The following MAGI1 variants were observed in gnomAD, a reference collection of about 807,000 sequenced individuals.
MAGI1 encodes membrane-associated guanylate kinase, WW and PDZ domain-containing protein 1.
A neutral mutation model predicts 139.9 loss-of-function variants in MAGI1; 58 were observed. The ratio of observed to expected loss-of-function variants is 0.41; its 90% CI spans 0.34 to 0.52. The LOEUF is 0.52. Among genes scored for constraint, MAGI1 ranks in the 20% least tolerant of loss-of-function variants. The pLI is 0.12. For synonymous variants in MAGI1, 812 were observed against 737.9 expected (o/e 1.10, Z -1.63); for missense variants, 1,874 against 1,901.6 (o/e 0.99, Z 0.27).
chr3:65,433,534 ACC>A (rs1246212951), intron 10 of MAGI1, among the ~76,000 whole-genome samples: 2 of 152,030 alleles, frequency 1.3e-5, no homozygotes, highest in African/African-American at 4.8e-5. Flanking sequence ...AACGCTTTTC[ACC>A]CCATAAGCAG....
rs1290707475 is a variant in MAGI1, at chr3:65,470,403, A to C, written c.839T>G (p.Ile280Ser). The C allele has an allele frequency of 6.2e-7, 1 of 1,613,710 alleles. No homozygotes were observed. Residue 280 changes from isoleucine to serine, a missense_variant, in exon 5 of 23, where the codon ATC becomes AGC. Transcript: ENST00000402939. ...PVNSSIIAAP[I>S]TDPSQKFPQY... is the part of the protein sequence containing the mutation. ...AGGGAACTTCTGAGAAGGGTCCGTGATGGGAGCAGCGATGATGCTACTATT... is the reference window on the plus strand; with the variant it reads ...AGGGAACTTCTGAGAAGGGTCCGTGCTGGGAGCAGCGATGATGCTACTATT...
intron 1 of MAGI1, among the ~76,000 whole-genome samples, chr3:65,658,131 G>A (rs539044002): frequency 6.6e-6 from 1 of 152,286 alleles, no homozygotes; most frequent in East Asian, 1.9e-4. Flanking sequence ...CTGGGGGAAT[G>A]AGCCTTAATG....
chr3:65,857,404 G>A (rs927788651), intron 1 of MAGI1, among the ~76,000 whole-genome samples: 1 of 152,158 alleles, frequency 6.6e-6, no homozygotes, highest in East Asian at 1.9e-4. Context: ...ATGATTGTTT[G>A]CAAATCAGAA....
chr3:65,551,026 G>A (rs781356873), intron 2 of MAGI1, among the ~76,000 whole-genome samples: 1 of 152,156 alleles, frequency 6.6e-6, no homozygotes, highest in Non-Finnish European at 1.5e-5. Context: ...AATCTCATCT[G>A]GAATTGTAAT....
At chr3:65,774,997 C>T (rs1318202791) in intron 1 of MAGI1, among the ~76,000 whole-genome samples, 1 of 152,062 alleles carries the variant, frequency 6.6e-6, no homozygotes, top group African/African-American at 2.4e-5. Context: ...TTTCATAGTA[C>T]CCAGCATACA....
At chr3:65,561,742 T>C (rs1453419241) in intron 2 of MAGI1, among the ~76,000 whole-genome samples, 1 of 152,222 alleles carries the variant, frequency 6.6e-6, no homozygotes, top group Non-Finnish European at 1.5e-5. Flanking sequence ...TCTCACTTCT[T>C]AAATCAAGCC....
intron 17 of MAGI1, among the ~76,000 whole-genome samples, chr3:65,377,529 T>C (rs1277396085): frequency 1.3e-5 from 2 of 152,224 alleles, no homozygotes; most frequent in Admixed American, 6.5e-5. Flanking sequence ...ATATTTGCTA[T>C]TTCTTTCTAG....
At chr3:65,448,337 C>G (rs1363989186) in intron 6 of MAGI1, 1 of 540,460 alleles carries the variant, frequency 1.9e-6, no homozygotes, top group African/African-American at 1.9e-5. Context: ...TGACAAATAC[C>G]TTTGCGGTTT....
At chr3:65,812,480 A>ACACACG (rs1553711427) in intron 1 of MAGI1, among the ~76,000 whole-genome samples, 2,868 of 146,144 alleles carry the variant, frequency 0.02, 96 homozygotes, top group African/African-American at 0.067. Flanking sequence ...ACACACACAC[A>ACACACG]CACACACACA....
intron 12 of MAGI1, among the ~76,000 whole-genome samples, chr3:65,406,825 G>A (rs1220025950): frequency 2.6e-5 from 4 of 151,892 alleles, no homozygotes; most frequent in Non-Finnish European, 5.9e-5. Context: ...ATATCGAGGG[G>A]GAGAGAGACA....
intron 7 of MAGI1, among the ~76,000 whole-genome samples, chr3:65,443,313 T>C (rs1240046194): frequency 6.6e-6 from 1 of 152,212 alleles, no homozygotes; most frequent in African/African-American, 2.4e-5. Context: ...TGTTATCTTC[T>C]CCTTGTTCCT....
At chr3:65,389,227 T>C (rs1943701087) in intron 14 of MAGI1, among the ~76,000 whole-genome samples, 1 of 152,156 alleles carries the variant, frequency 6.6e-6, no homozygotes, top group Non-Finnish European at 1.5e-5. Flanking sequence ...TTTCCTAATT[T>C]TTTTTTCCTA....
chr3:65,631,907 C>A (rs1559738205), intron 1 of MAGI1, among the ~76,000 whole-genome samples: 1 of 151,964 alleles, frequency 6.6e-6, no homozygotes, highest in Non-Finnish European at 1.5e-5. Flanking sequence ...CACCTGTAAT[C>A]CCAGCTACTT....
Position 65,959,601 on chromosome 3 carries a change from T to TTTATTATTA in MAGI1, c.313+78386_313+78394dup, listed in dbSNP as rs34295973. Among the ~76,000 whole-genome samples, 93 of 127,308 alleles carry TTTATTATTA rather than the reference T, an allele frequency of 7.3e-4. 1 individual carries two copies. The highest frequency in any genetic ancestry group is 1.7e-3 in the South Asian group (6 of 3,616). 83.5% of individuals were successfully genotyped at this position (127,308 alleles called of 152,430 possible). ...AGACATGGGCCACCATCCCAGCATT[T>TTTATTATTA]TTATTATTATTATTATTATTATTAT... is the stretch of plus-strand genomic sequence containing the variant. On this transcript the variant is annotated intron_variant, in intron 1 of 22. Coordinates refer to ENST00000402939, the MANE Select transcript of MAGI1 (RefSeq NM_001033057.2).
Position 65,866,897 on chromosome 3 carries a change from T to C in MAGI1, c.313+171099A>G, listed in dbSNP as rs560667302. 2.0e-5 allele frequency among the ~76,000 whole-genome samples: 3 copies of C among 152,288 alleles called. No individual in the cohort carries two copies. In the South Asian group the frequency reaches 6.2e-4, roughly 32 times the overall value. On this transcript the variant is annotated intron_variant, in intron 1 of 22. Transcript: ENST00000402939. Reference sequence around the variant, plus strand: ...AAGGGAGGCATCACACAAGAGTGGATGGTGGAGACTGTGGTCAATCAGCTG... The same window carrying C: ...AAGGGAGGCATCACACAAGAGTGGACGGTGGAGACTGTGGTCAATCAGCTG...
chr3:65,800,492 G>A (rs1260702077), intron 1 of MAGI1, among the ~76,000 whole-genome samples: 2 of 152,082 alleles, frequency 1.3e-5, no homozygotes, highest in Non-Finnish European at 2.9e-5. Flanking sequence ...GAGTCCAATT[G>A]TCCAGTCTCA....
At chr3:65,734,071 C>T (rs140558784) in intron 1 of MAGI1, among the ~76,000 whole-genome samples, 2 of 152,166 alleles carry the variant, frequency 1.3e-5, no homozygotes, top group Non-Finnish European at 2.9e-5. Context: ...AGAAGAACAT[C>T]GTCTCAGTCG....
intron 2 of MAGI1, among the ~76,000 whole-genome samples, chr3:65,606,313 T>C (rs1387035126): frequency 1.3e-5 from 2 of 152,058 alleles, no homozygotes; most frequent in East Asian, 3.9e-4. Context: ...GTTATTTTAC[T>C]TTTACTTTCT....
intron 1 of MAGI1, among the ~76,000 whole-genome samples, chr3:65,743,275 T>C (rs1051411289): frequency 6.6e-6 from 1 of 152,242 alleles, no homozygotes. Flanking sequence ...GCTTTTACTA[T>C]GTGCCTGATA....
Sources: gnomAD v4.1 joint callset for allele counts (sites outside exome capture counted in the v4.1 genomes callset) on GRCh38, gnomAD v4.1.1 for gene constraint, MANE v1.5 for transcripts, NCBI Gene and HGNC (gene_info 2026-07-23, HGNC 2026-07-21) for gene names.